Variants in MTREX observed in about 807,000 individuals in gnomAD.
MTREX encodes the protein exosome RNA helicase MTR4.
A neutral mutation model predicts 135.4 loss-of-function variants in MTREX; 76 were observed. The observed-to-expected ratio is 0.56, with a 90% confidence interval of 0.47 to 0.68. The LOEUF is 0.68. Among genes scored for constraint, MTREX ranks in the 30% least tolerant of loss-of-function variants. The probability of loss-of-function intolerance (pLI) is 0.00; values close to 1 mark genes in which losing one functional copy is unlikely to be tolerated. For missense variants in MTREX, 920 were observed against 1,262.1 expected, an observed-to-expected ratio of 0.73 and a Z score of 4.11; for synonymous variants, 404 against 401.6, an observed-to-expected ratio of 1.01 and a Z score of -0.07.
At chr5:55,367,644 A>T (rs1750127031) in intron 16 of MTREX, among the ~76,000 whole-genome samples, 1 of 152,204 alleles carries the variant, frequency 6.6e-6, no homozygotes, top group Non-Finnish European at 1.5e-5. Context: ...TCTTAATATT[A>T]AGGTAATGCT....
At chr5:55,373,478 A>AGATGGTGCACTCCATCTCTGTGT (rs1165577963) in intron 16 of MTREX, among the ~76,000 whole-genome samples, 1 of 152,136 alleles carries the variant, frequency 6.6e-6, no homozygotes, top group Non-Finnish European at 1.5e-5. Flanking sequence ...TTGTTGAGGA[A>AGATGGTGCACTCCATCTCTGTGT]GATGGTGCAC....
intron 8 of MTREX, 125 bp downstream of exon 8, chr5:55,343,580 ACTG>A: frequency 2.6e-6 from 2 of 780,636 alleles, no homozygotes; most frequent in Non-Finnish European, 3.9e-6. Context: ...TTAATGGTAA[ACTG>A]CTTCTCAAAT....
At position 55,388,118 on chromosome 5, in the gene MTREX, T is replaced by C. The variant is rs1750508524; in HGVS notation, c.2181+16T>C. On this transcript the variant is annotated intron_variant, in intron 19 of 26. Coordinates refer to ENST00000230640, the MANE Select transcript of MTREX (RefSeq NM_015360.5). Reference sequence around the variant, plus strand: ...AGAGATGCAGGTTTGTACATAACTTTCTGTCTTCTGATTTCAGATATTCTG... The same window carrying C: ...AGAGATGCAGGTTTGTACATAACTTCCTGTCTTCTGATTTCAGATATTCTG... 2.5e-6 allele frequency: 4 copies of C among 1,581,104 alleles called. No homozygotes were observed. In the East Asian group the frequency reaches 9.1e-5, roughly 36 times the overall value.
At chr5:55,386,173 A>T (rs1561204924) in intron 18 of MTREX, among the ~76,000 whole-genome samples, 1 of 152,198 alleles carries the variant, frequency 6.6e-6, no homozygotes, top group African/African-American at 2.4e-5. Context: ...TGTAATTGTA[A>T]TTGTCAATGT....
chr5:55,396,049 G>A (rs1750640767), intron 19 of MTREX, among the ~76,000 whole-genome samples: 1 of 152,192 alleles, frequency 6.6e-6, no homozygotes, highest in South Asian at 2.1e-4. Flanking sequence ...CTTTATGTGT[G>A]TAGAAAGAGA....
Position 55,326,375 on chromosome 5 carries a change from G to C in MTREX, c.340-1341G>C, listed in dbSNP as rs531651973. ...AGATCACGCCACTGTACTCCAGCCTGGGTGACAGAGTGAGACTCTGTCTCA... is the reference window on the plus strand; with the variant it reads ...AGATCACGCCACTGTACTCCAGCCTCGGTGACAGAGTGAGACTCTGTCTCA... On this transcript the variant is annotated intron_variant, in intron 3 of 26. Coordinates refer to ENST00000230640, the MANE Select transcript of MTREX (RefSeq NM_015360.5). 2.6e-5 allele frequency among the ~76,000 whole-genome samples: 4 copies of C among 152,234 alleles called. No individual in the cohort carries two copies. In the East Asian group the frequency reaches 7.7e-4, roughly 29 times the overall value.
intron 16 of MTREX, among the ~76,000 whole-genome samples, chr5:55,372,242 T>G (rs1211065851): frequency 6.6e-6 from 1 of 152,156 alleles, no homozygotes; most frequent in Non-Finnish European, 1.5e-5. Flanking sequence ...ATAATGCGTG[T>G]TGTTACGGAT....
At chr5:55,398,163 A>T (rs1179020297) in intron 20 of MTREX, among the ~76,000 whole-genome samples, 1 of 152,146 alleles carries the variant, frequency 6.6e-6, no homozygotes, top group Non-Finnish European at 1.5e-5. Context: ...ACTTGATCCC[A>T]GGAGTTCCAG....
intron 13 of MTREX, among the ~76,000 whole-genome samples, chr5:55,351,842 CT>C (rs754738083): frequency 0.011 from 1,586 of 139,324 alleles, 16 homozygotes; most frequent in East Asian, 0.066. Flanking sequence ...ATGACTCATA[CT>C]TTTTTTTTTT....
At chr5:55,421,663 T>C (rs1326706419) in intron 25 of MTREX, among the ~76,000 whole-genome samples, 1 of 152,238 alleles carries the variant, frequency 6.6e-6, no homozygotes, top group Non-Finnish European at 1.5e-5. Context: ...TGTTTCTTGG[T>C]ACACATTTGA....
chr5:55,358,094 T>C (rs1749950319), intron 14 of MTREX, among the ~76,000 whole-genome samples: 2 of 152,154 alleles, frequency 1.3e-5, no homozygotes, highest in South Asian at 4.1e-4. Context: ...CCCAGCACTT[T>C]GGGAGGCTGA....
chr5:55,415,863 T>C, intron 24 of MTREX, 107 bp from the exon 25 acceptor site: 1 of 710,022 alleles, frequency 1.4e-6, no homozygotes, highest in Admixed American at 3.7e-5. Flanking sequence ...GCAGACATAA[T>C]ACCTAGGAAG....
intron 14 of MTREX, among the ~76,000 whole-genome samples, chr5:55,353,732 C>T (rs977004636): frequency 4.0e-4 from 61 of 152,162 alleles, no homozygotes; most frequent in East Asian, 1.4e-3. Flanking sequence ...AACAAACCTC[C>T]GTTCCCTTAA....
At chr5:55,339,687 C>T (rs1749612171) in intron 5 of MTREX, among the ~76,000 whole-genome samples, 2 of 152,282 alleles carry the variant, frequency 1.3e-5, no homozygotes, top group South Asian at 4.1e-4. Flanking sequence ...TGTGTGAACT[C>T]ACAGACAGAG....
Position 55,397,478 on chromosome 5 carries a change from A to G in MTREX, c.2244A>G (p.Lys748=). Residue 748 remains lysine (K), a synonymous_variant, in exon 20 of 27, where the codon AAA becomes AAG. Coordinates refer to ENST00000230640, the MANE Select transcript of MTREX (RefSeq NM_015360.5). ...GCAGTGTTAGGCTTTACATTCCTAAAGACCTTCGGCCGGTGGACAATAGAC... is the reference window on the plus strand; with the variant it reads ...GCAGTGTTAGGCTTTACATTCCTAAGGACCTTCGGCCGGTGGACAATAGAC... ...AISSVRLYIP[K]DLRPVDNRQS... The G allele has an allele frequency of 6.2e-7, 1 of 1,611,010 alleles. No homozygotes were observed. Among genetic ancestry groups the G allele is most frequent in the Non-Finnish European group, 8.5e-7 (1 of 1,177,786 alleles).
chr5:55,398,453 A>C (rs992265619), intron 20 of MTREX, among the ~76,000 whole-genome samples: 1 of 152,162 alleles, frequency 6.6e-6, no homozygotes, highest in Non-Finnish European at 1.5e-5. Flanking sequence ...CAGTTTTACA[A>C]AATTTTTATG....
At chr5:55,402,944 C>T (rs1011422907) in intron 21 of MTREX, among the ~76,000 whole-genome samples, 1 of 150,996 alleles carries the variant, frequency 6.6e-6, no homozygotes, top group Non-Finnish European at 1.5e-5. Context: ...CTCCTGTAAT[C>T]CCAACACTTT....
intron 16 of MTREX, among the ~76,000 whole-genome samples, chr5:55,373,110 A>G (rs1417478215): frequency 7.0e-6 from 1 of 142,674 alleles, no homozygotes; most frequent in African/African-American, 2.6e-5. Context: ...TTTTATTTTT[A>G]TTTTTATTTC....
rs575499766 is a variant in MTREX at position 55,361,621 on chromosome 5, A to C, written c.1659+2923A>C. Among the ~76,000 whole-genome samples, 77 of 151,860 alleles carry C rather than the reference A, an allele frequency of 5.1e-4. 1 individual carries two copies. The highest frequency in any genetic ancestry group is 1.4e-3 in the Admixed American group (22 of 15,266). ...AGGCACCTGCCGCCACACCCAGCTA[A>C]TTTTTGTATTTTTTTTAGTAGAAAC... On this transcript the variant is annotated intron_variant, in intron 15 of 26. Coordinates refer to ENST00000230640, the MANE Select transcript of MTREX (RefSeq NM_015360.5).
Sources: gnomAD v4.1 joint callset for allele counts (sites outside exome capture counted in the v4.1 genomes callset) on GRCh38, gnomAD v4.1.1 for gene constraint, MANE v1.5 for transcripts, NCBI Gene and HGNC (gene_info 2026-07-23, HGNC 2026-07-21) for gene names.